The following SPAG16 variants were observed in gnomAD, a reference collection of about 807,000 sequenced individuals.
SPAG16 encodes sperm associated antigen 16, also known as sperm-associated antigen 16 protein.
Under a neutral mutation model 80.4 loss-of-function variants are expected in SPAG16, and 86 were observed. That is an observed-to-expected ratio of 1.07 (90% CI 0.90 to 1.28). The LOEUF is 1.28. Among genes scored for constraint, SPAG16 ranks in the 50% most tolerant of loss-of-function variants. The pLI is 0.00. For synonymous variants in SPAG16, 294 were observed against 265.9 expected (o/e 1.11, Z -1.03); for missense variants, 870 against 765.3 (o/e 1.14, Z -1.61).
chr2:213,768,756 G>C (rs1351056480), intron 10 of SPAG16, among the ~76,000 whole-genome samples: 2 of 152,142 alleles, frequency 1.3e-5, no homozygotes, highest in African/African-American at 4.8e-5. Context: ...CTGAGTTGTG[G>C]CTATAAATTT....
chr2:213,459,637 A>G (rs868259714), intron 9 of SPAG16, among the ~76,000 whole-genome samples: 1 of 152,192 alleles, frequency 6.6e-6, no homozygotes, highest in African/African-American at 2.4e-5. Flanking sequence ...CCTTGTTTCA[A>G]TTTCTTTGCT....
chr2:213,875,682 C>G (rs1355063249), intron 11 of SPAG16, among the ~76,000 whole-genome samples: 1 of 152,148 alleles, frequency 6.6e-6, no homozygotes, highest in East Asian at 1.9e-4. Flanking sequence ...TTTTCAGGAT[C>G]TGAATACTAA....
intron 10 of SPAG16, among the ~76,000 whole-genome samples, chr2:213,637,179 G>A (rs944824383): frequency 6.6e-6 from 1 of 152,126 alleles, no homozygotes; most frequent in African/African-American, 2.4e-5. Flanking sequence ...GCTGGATTTT[G>A]TCGAATGCTT....
At chr2:214,107,050 TCTTTATTCAAAC>T (rs2053421964) in intron 13 of SPAG16, among the ~76,000 whole-genome samples, 1 of 152,170 alleles carries the variant, frequency 6.6e-6, no homozygotes, top group Non-Finnish European at 1.5e-5. Flanking sequence ...ATACTTTCAT[TCTTTATTCAAAC>T]TTTATCTTCT....
rs898873007 is a variant in SPAG16, at chr2:213,928,198, C to T, written c.1215-1762C>T. Among the ~76,000 whole-genome samples, 4 of 152,056 alleles carry T rather than the reference C, an allele frequency of 2.6e-5. No homozygotes were observed. In the South Asian group the frequency reaches 8.3e-4, roughly 31 times the overall value. On this transcript the variant is annotated intron_variant, in intron 11 of 15. Transcript: ENST00000331683. ...CCTTCCGGGTTCAAGTGATTTCCTG[C>T]CTCAGCCTCCCGAGTAGCTGGGATT... is the stretch of plus-strand genomic sequence containing the variant.
intron 10 of SPAG16, among the ~76,000 whole-genome samples, chr2:213,749,926 CTTA>C (rs2068006732): frequency 2.0e-5 from 3 of 152,146 alleles, no homozygotes; most frequent in African/African-American, 7.2e-5. Context: ...GAATCCATGA[CTTA>C]TTATCAGTAA....
chr2:213,796,382 G>A (rs564758445), intron 10 of SPAG16, among the ~76,000 whole-genome samples: 2 of 152,106 alleles, frequency 1.3e-5, no homozygotes, highest in Non-Finnish European at 2.9e-5. Context: ...GACATTTAAT[G>A]TAAATAATTT....
intron 10 of SPAG16, among the ~76,000 whole-genome samples, chr2:213,563,264 C>T (rs893755644): frequency 6.6e-6 from 1 of 151,816 alleles, no homozygotes; most frequent in Non-Finnish European, 1.5e-5. Flanking sequence ...TTTTTTTTCA[C>T]ATATGCCATA....
rs960826355 is a variant in SPAG16 at position 214,256,522 on chromosome 2, T to C, written c.1720+107256T>C. Among the ~76,000 whole-genome samples, 16 of 152,112 alleles carry C rather than the reference T, an allele frequency of 1.1e-4. No homozygotes were observed. In the South Asian group the frequency reaches 1.4e-3, roughly 14 times the overall value. ...TTCTAAAAGCTTTATAGTTTTAATA[T>C]ATTGATCTATGATCCATCTGAAATT... On this transcript the variant is annotated intron_variant, in intron 15 of 15. Coordinates refer to ENST00000331683, the MANE Select transcript of SPAG16 (RefSeq NM_024532.5).
chr2:214,057,218 G>A (rs977740986), intron 13 of SPAG16, among the ~76,000 whole-genome samples: 3 of 148,862 alleles, frequency 2.0e-5, no homozygotes, highest in Non-Finnish European at 3.0e-5. Context: ...ATCCATCAGA[G>A]GAATTATTAG....
At chr2:214,359,515 G>C (rs1699034288) in intron 15 of SPAG16, among the ~76,000 whole-genome samples, 1 of 151,788 alleles carries the variant, frequency 6.6e-6, no homozygotes, top group African/African-American at 2.4e-5. Context: ...TTAATGCTTT[G>C]GCTTTTCAAA....
chr2:214,250,041 T>G (rs1332850019), intron 15 of SPAG16: 1 of 152,170 alleles, frequency 6.6e-6, no homozygotes, highest in Non-Finnish European at 1.5e-5. Flanking sequence ...TGAATTTTCT[T>G]CCAGCCATGA....
At chr2:213,941,503 C>A (rs2079197553) in intron 12 of SPAG16, among the ~76,000 whole-genome samples, 1 of 152,062 alleles carries the variant, frequency 6.6e-6, no homozygotes, top group Admixed American at 6.6e-5. Flanking sequence ...GGGATCGTGA[C>A]ATAAATTTCC....
At chr2:213,717,307 C>T (rs1034993663) in intron 10 of SPAG16, among the ~76,000 whole-genome samples, 3 of 151,820 alleles carry the variant, frequency 2.0e-5, no homozygotes, top group Non-Finnish European at 4.4e-5. Flanking sequence ...TACAGGCGCC[C>T]GCCACCAAGC....
intron 10 of SPAG16, among the ~76,000 whole-genome samples, chr2:213,512,711 T>C (rs2075275522): frequency 6.6e-6 from 1 of 152,098 alleles, no homozygotes; most frequent in African/African-American, 2.4e-5. Context: ...CTGCCAGGAT[T>C]TTCCAAAATA....
At position 214,091,561 on chromosome 2, in the gene SPAG16, G is replaced by C. The variant is rs932513573; in HGVS notation, c.1528-16635G>C. ...TACAAAGCTGTTAGAACCACGCCTG[G>C]CATATAGTAAACACTTATTCAGTGT... On this transcript the variant is annotated intron_variant, in intron 13 of 15. Transcript: ENST00000331683. Among the ~76,000 whole-genome samples the C allele has an allele frequency of 3.3e-5, 5 of 152,042 alleles. No homozygotes were observed. The East Asian group carries it at 9.6e-4, about 29-fold the overall frequency.
chr2:214,061,594 A>C (rs1217026313), intron 13 of SPAG16, among the ~76,000 whole-genome samples: 2 of 152,130 alleles, frequency 1.3e-5, no homozygotes, highest in South Asian at 2.1e-4. Context: ...AATGCTTTCA[A>C]CTAATTGGAT....
chr2:213,498,167 G>A (rs1358014971), intron 10 of SPAG16, among the ~76,000 whole-genome samples: 5 of 152,114 alleles, frequency 3.3e-5, no homozygotes, highest in Non-Finnish European at 5.9e-5. Flanking sequence ...TGAAGTATGA[G>A]CAATCAGTAG....
intron 13 of SPAG16, among the ~76,000 whole-genome samples, chr2:214,047,311 A>T (rs953448481): frequency 2.0e-5 from 3 of 152,156 alleles, no homozygotes. Context: ...ATTAATCATA[A>T]CCAAAGCAGC....
Sources: allele counts gnomAD v4.1 joint callset (sites outside exome capture counted in the v4.1 genomes callset), GRCh38; gene constraint gnomAD v4.1.1; transcripts MANE v1.5; gene names NCBI Gene and HGNC (gene_info 2026-07-23, HGNC 2026-07-21).